Variants in PRL observed in about 807,000 individuals in gnomAD.
PRL encodes the protein decidual prolactin.
PRL carries 24 observed loss-of-function variants against 21.3 expected under a neutral mutation model. The ratio of observed to expected loss-of-function variants is 1.13; its 90% CI spans 0.82 to 1.59. The LOEUF is 1.59. Among genes scored for constraint, PRL ranks in the 40% most tolerant of loss-of-function variants. The probability of loss-of-function intolerance (pLI) is 0.00; values close to 1 mark genes in which losing one functional copy is unlikely to be tolerated. For synonymous variants in PRL, 118 were observed against 115.7 expected (o/e 1.02, Z -0.13); for missense variants, 243 against 286.9 (o/e 0.85, Z 1.10).
intron 1 of PRL, among the ~76,000 whole-genome samples, chr6:22,296,278 A>T (rs1761170981): frequency 6.6e-6 from 1 of 152,224 alleles, no homozygotes; most frequent in African/African-American, 2.4e-5. Flanking sequence ...GTTGTTACTA[A>T]TTTATTTTCC....
upstream of PRL, chr6:22,297,089 T>A: frequency 8.7e-7 from 1 of 1,147,216 alleles, no homozygotes; most frequent in Non-Finnish European, 1.3e-6. Flanking sequence ...TCTTCATGAA[T>A]ATAATGAATC....
intron 1 of PRL, 43 bp from the exon 2 acceptor site, chr6:22,294,627 C>T (rs1462672014): frequency 6.7e-7 from 1 of 1,490,496 alleles, no homozygotes; most frequent in Non-Finnish European, 8.9e-7. Flanking sequence ...TGATTTATTC[C>T]ACGGAGGTTT....
intron 2 of PRL, among the ~76,000 whole-genome samples, 165 bp from the exon 3 acceptor site, chr6:22,292,810 TC>T (rs964689176): frequency 1.3e-5 from 2 of 151,928 alleles, no homozygotes; most frequent in African/African-American, 4.8e-5. Flanking sequence ...TTCGCCTACT[TC>T]CCCCCCATTA....
rs1206066859 is a variant in PRL at position 22,288,764 on chromosome 6, T to C, written c.493-1171A>G. Among the ~76,000 whole-genome samples, 1 of 152,182 alleles carries C rather than the reference T, an allele frequency of 6.6e-6. No individual in the cohort carries two copies. The highest frequency in any genetic ancestry group is 1.9e-4 in the East Asian group (1 of 5,192). On this transcript the variant is annotated intron_variant, in intron 4 of 4. Transcript: ENST00000306482. This position sits in a 1 kb window ranked among gnomAD's most constrained non-coding sequence, Gnocchi z 4.5. Reference sequence around the variant, plus strand: ...GGATGTCAGCTAGTTTGGAGAGTTATTAGGTATATATCTGGATGTAGACGC... The same window carrying C: ...GGATGTCAGCTAGTTTGGAGAGTTACTAGGTATATATCTGGATGTAGACGC...
chr6:22,297,069 A>G (rs1761195720), upstream of PRL: 1 of 1,361,676 alleles, frequency 7.3e-7, no homozygotes, highest in East Asian at 2.3e-5. Context: ...GGCTTTATAA[A>G]CCTTTGATAT....
upstream of PRL, among the ~76,000 whole-genome samples, chr6:22,300,391 C>G (rs544361640): frequency 3.3e-5 from 5 of 152,274 alleles, no homozygotes; most frequent in East Asian, 9.7e-4. Context: ...GAGCTTTCAG[C>G]CAGTTACAGG....
intron 1 of PRL, among the ~76,000 whole-genome samples, chr6:22,295,372 G>A (rs60358574): frequency 0.016 from 2,450 of 152,234 alleles, 52 homozygotes; most frequent in African/African-American, 0.055. Flanking sequence ...GTCTTTGCAC[G>A]TCGTCTTGTC....
chr6:22,293,198 T>A (rs996146242), intron 2 of PRL, among the ~76,000 whole-genome samples: 4 of 152,190 alleles, frequency 2.6e-5, no homozygotes, highest in Non-Finnish European at 4.4e-5. Flanking sequence ...AACTTTTTTT[T>A]AAATTATGAC....
rs763362568 is a variant in PRL at position 22,290,260 on chromosome 6, C to T, written c.406G>A (p.Ala136Thr). 7 of 1,613,120 alleles carry T rather than the reference C, an allele frequency of 4.3e-6. No homozygotes were observed. Among genetic ancestry groups the T allele is most frequent in the Non-Finnish European group, 5.9e-6 (7 of 1,179,316 alleles). ...GCTTTGGATAGGATAGCCTCCGGGG[C>T]TTCTTGCATACCACGTACTTCCGTG... is the stretch of plus-strand genomic sequence containing the variant. Reference protein sequence around the residue: ...LVTEVRGMQEAPEAILSKAVE... With the variant: ...LVTEVRGMQETPEAILSKAVE... Residue 136 changes from alanine to threonine, a missense_variant, in exon 4 of 5, where the codon GCC becomes ACC. Physicochemically the swap from Ala to Thr is moderately conservative, Grantham distance 58. Coordinates refer to ENST00000306482, the MANE Select transcript of PRL (RefSeq NM_000948.6).
chr6:22,294,819 C>T (rs1341885938), intron 1 of PRL, among the ~76,000 whole-genome samples: 1 of 152,140 alleles, frequency 6.6e-6, no homozygotes, highest in Non-Finnish European at 1.5e-5. Flanking sequence ...CATTTTTGTA[C>T]GTTTCCCAGA....
intron 1 of PRL, among the ~76,000 whole-genome samples, chr6:22,295,058 G>T (rs144912096): frequency 7.2e-5 from 11 of 152,018 alleles, no homozygotes; most frequent in African/African-American, 2.7e-4. Flanking sequence ...TTATCATCCT[G>T]CCTGATAAGA....
chr6:22,294,852 A>T (rs1055730957), intron 1 of PRL, among the ~76,000 whole-genome samples: 1 of 152,182 alleles, frequency 6.6e-6, no homozygotes, highest in African/African-American at 2.4e-5. Flanking sequence ...CTTTCCAAAC[A>T]TTTGGAGCTT....
Position 22,287,567 on chromosome 6 carries a change from C to T in PRL, c.519G>A (p.Glu173=). The T allele has an allele frequency of 6.2e-7, 1 of 1,609,866 alleles. No homozygotes were observed. Among genetic ancestry groups the T allele is most frequent in the South Asian group, 1.1e-5 (1 of 90,230 alleles). Residue 173 remains glutamate, a synonymous_variant, in exon 5 of 5, where the codon GAG becomes GAA. Transcript: ENST00000306482. ...SQVHPETKEN[E]IYPVWSGLPS... ...GAAGTCCCGACCAGACAGGGTAGAT[C>T]TCATTTTCTTTGGTTTCAGGATGAA...
At chr6:22,297,166 A>G (rs1462246107), upstream of PRL, 5 of 609,588 alleles carry the variant, frequency 8.2e-6, no homozygotes, top group South Asian at 6.3e-5. Flanking sequence ...AATTTCAAAC[A>G]TCAAATGGTA....
At chr6:22,297,189 T>C, upstream of PRL, 1 of 591,474 alleles carries the variant, frequency 1.7e-6, no homozygotes, top group Non-Finnish European at 3.0e-6. Flanking sequence ...TTATTTCTTA[T>C]TCATATTCAG....
chr6:22,289,429 A>G (rs973918374), intron 4 of PRL, among the ~76,000 whole-genome samples: 1 of 152,186 alleles, frequency 6.6e-6, no homozygotes. Context: ...CTGAATGGAG[A>G]TATCTATTGC....
At chr6:22,298,075 GCA>G (rs534164638), upstream of PRL, among the ~76,000 whole-genome samples, 2 of 152,100 alleles carry the variant, frequency 1.3e-5, no homozygotes, top group Non-Finnish European at 2.9e-5. Flanking sequence ...ACATGTGTGT[GCA>G]CACACACAGA....
At chr6:22,301,640 G>T (rs867792675), upstream of PRL, among the ~76,000 whole-genome samples, 2 of 152,190 alleles carry the variant, frequency 1.3e-5, no homozygotes, top group African/African-American at 4.8e-5. Context: ...CTGAAAAGTA[G>T]AGCAGGCTCT....
chr6:22,293,402 C>T (rs1416016932), intron 2 of PRL, among the ~76,000 whole-genome samples: 5 of 151,806 alleles, frequency 3.3e-5, no homozygotes, highest in East Asian at 1.9e-4. Context: ...AGGATGAAAG[C>T]GAAATCAGAG....
Sources: allele counts gnomAD v4.1 joint callset (sites outside exome capture counted in the v4.1 genomes callset), GRCh38; gene constraint gnomAD v4.1.1; non-coding constraint Gnocchi (gnomAD v3.1); transcripts MANE v1.5; gene names NCBI Gene and HGNC (gene_info 2026-07-23, HGNC 2026-07-21).